Variants in CSMD1 observed in about 807,000 individuals in gnomAD.
The protein encoded by CSMD1 is CUB and Sushi multiple domains 1.
A neutral mutation model predicts 417.5 loss-of-function variants in CSMD1; 213 were observed. The ratio of observed to expected loss-of-function variants is 0.51; its 90% confidence interval spans 0.46 to 0.57. CSMD1 has a LOEUF of 0.57. CSMD1 is among the 20% of genes least tolerant of loss of function. CSMD1 has a pLI of 0.00. For synonymous variants in CSMD1, 2,862 were observed against 1,736.8 expected, an observed-to-expected ratio of 1.65 and a Z score of -16.11; for missense variants, 6,923 against 4,529.7, an observed-to-expected ratio of 1.53 and a Z score of -15.17.
At chr8:3,450,225 C>T (rs766396672) in intron 12 of CSMD1, among the ~76,000 whole-genome samples, 2 of 152,196 alleles carry the variant, frequency 1.3e-5, no homozygotes, top group Admixed American at 6.5e-5. Flanking sequence ...CGTTGACCAA[C>T]TGACTTCATG....
intron 2 of CSMD1, among the ~76,000 whole-genome samples, chr8:4,452,450 C>T (rs1277270690): frequency 1.3e-5 from 2 of 152,202 alleles, no homozygotes; most frequent in Non-Finnish European, 2.9e-5. Flanking sequence ...GGCATTAATC[C>T]TGTCAGGCAT....
At chr8:4,074,931 G>T (rs557557390) in intron 3 of CSMD1, among the ~76,000 whole-genome samples, 1 of 151,988 alleles carries the variant, frequency 6.6e-6, no homozygotes, top group Non-Finnish European at 1.5e-5. Flanking sequence ...ACCACACTTT[G>T]AATTTATTTA....
At chr8:4,666,746 C>G (rs1804961563) in intron 1 of CSMD1, among the ~76,000 whole-genome samples, 1 of 152,044 alleles carries the variant, frequency 6.6e-6, no homozygotes, top group South Asian at 2.1e-4. Flanking sequence ...TTCATACAGT[C>G]AAGTCCTTCA....
intron 3 of CSMD1, among the ~76,000 whole-genome samples, chr8:4,187,500 C>A (rs763643078): frequency 2.6e-5 from 4 of 151,934 alleles, no homozygotes; most frequent in East Asian, 1.9e-4. Flanking sequence ...AAAAAATCAG[C>A]CTGGGTGGTG....
intron 1 of CSMD1, among the ~76,000 whole-genome samples, chr8:4,649,866 T>A (rs1318452848): frequency 1.3e-5 from 2 of 152,166 alleles, no homozygotes; most frequent in Admixed American, 6.5e-5. Context: ...TAAAAGAGGT[T>A]TGGAATTTCA....
rs538732513 is a variant in CSMD1, at chr8:4,138,168, G to A, written c.416-106069C>T. ...CTGACCTCATGATCCTCCCACCTGG[G>A]CCTCCCAAAGTGCTGGGATTACAGG... On this transcript the variant is annotated intron_variant, in intron 3 of 69. Transcript: ENST00000635120. Among the ~76,000 whole-genome samples the A allele has an allele frequency of 1.8e-4, 26 of 141,690 alleles. 1 individual carries two copies. Among genetic ancestry groups the A allele is most frequent in the African/African-American group, 7.0e-4 (26 of 37,348 alleles). 93.0% of individuals were successfully genotyped at this position (141,690 alleles called of 152,430 possible). A position where few individuals can be genotyped will look rare whatever the true frequency, so the allele number is the denominator to read the frequency against.
At chr8:3,425,602 A>AAG (rs1813789096) in intron 12 of CSMD1, among the ~76,000 whole-genome samples, 1 of 150,768 alleles carries the variant, frequency 6.6e-6, no homozygotes, top group African/African-American at 2.4e-5. Context: ...AAAAAAAAAA[A>AAG]AAGAAGAAAG....
At chr8:3,244,974 C>A (rs566273032) in intron 26 of CSMD1, among the ~76,000 whole-genome samples, 1 of 152,116 alleles carries the variant, frequency 6.6e-6, no homozygotes, top group Non-Finnish European at 1.5e-5. Flanking sequence ...TGGCTATTTC[C>A]AAGAAGAACT....
rs766284756 is a variant in CSMD1 at position 2,949,395 on chromosome 8, TAGGAA to T, written c.10315-14_10315-10del. On this transcript the variant is annotated splice_polypyrimidine_tract_variant and intron_variant, in intron 67 of 69. Coordinates refer to ENST00000635120, the MANE Select transcript of CSMD1 (RefSeq NM_033225.6). ...TCAAGTCCAGATGACACCTGACACA[TAGGAA>T]AGAAAAGAAAAGAAATAAAAAGGTA... is the stretch of plus-strand genomic sequence containing the variant. 2.7e-6 allele frequency: 2 copies of T among 729,274 alleles called. No individual in the cohort carries two copies. The highest frequency in any genetic ancestry group is 3.9e-5 in the South Asian group (2 of 51,196). 45.2% of individuals were successfully genotyped at this position (729,274 alleles called of 1,614,324 possible).
At chr8:4,072,002 G>T (rs1799583798) in intron 3 of CSMD1, among the ~76,000 whole-genome samples, 1 of 152,124 alleles carries the variant, frequency 6.6e-6, no homozygotes, top group South Asian at 2.1e-4. Flanking sequence ...CTCATTTTCT[G>T]GTGGATGTGG....
At chr8:3,476,441 G>C (rs1817428341) in intron 11 of CSMD1, among the ~76,000 whole-genome samples, 1 of 151,956 alleles carries the variant, frequency 6.6e-6, no homozygotes, top group Admixed American at 6.5e-5. Flanking sequence ...ATTTTTCTAG[G>C]GTAAATACTT....
chr8:3,092,105 A>G (rs1814986530), intron 47 of CSMD1, among the ~76,000 whole-genome samples: 1 of 152,186 alleles, frequency 6.6e-6, no homozygotes, highest in Non-Finnish European at 1.5e-5. Context: ...TATGAACCCT[A>G]GCACATGTAC....
chr8:4,424,327 C>T (rs1479658171), intron 2 of CSMD1, among the ~76,000 whole-genome samples: 2 of 151,856 alleles, frequency 1.3e-5, no homozygotes, highest in African/African-American at 4.8e-5. Context: ...ATACCATGAA[C>T]TCTCCAGACT....
At chr8:4,002,540 C>T (rs946244420) in intron 4 of CSMD1, among the ~76,000 whole-genome samples, 2 of 152,170 alleles carry the variant, frequency 1.3e-5, no homozygotes, top group Middle Eastern at 3.4e-3. Flanking sequence ...AAGCCCATTT[C>T]GACTGAGAAA....
rs181215468 is a variant in CSMD1, at chr8:4,646,383, T to G, written c.86-8825A>C. Among the ~76,000 whole-genome samples, 871 of 152,296 alleles carry G rather than the reference T, an allele frequency of 5.7e-3. 9 individuals carry two copies. The highest frequency in any genetic ancestry group is 0.02 in the African/African-American group (832 of 41,544). On this transcript the variant is annotated intron_variant, in intron 1 of 69. Transcript: ENST00000635120. The stretch of plus-strand genomic sequence containing the variant: ...ATGCTATGTATTACTCTTGCTTTAA[T>G]ACGGGTGAAGCCAGAAGCTCCAGTG...
chr8:4,241,311 G>C (rs28489811), intron 3 of CSMD1, among the ~76,000 whole-genome samples: 1 of 152,264 alleles, frequency 6.6e-6, no homozygotes, highest in Admixed American at 6.5e-5. Flanking sequence ...GTAACCCCCT[G>C]GAACATATTT....
intron 17 of CSMD1, among the ~76,000 whole-genome samples, chr8:3,395,927 G>A (rs1181118449): frequency 1.3e-5 from 2 of 152,116 alleles, no homozygotes; most frequent in African/African-American, 4.8e-5. Context: ...ATTATTCTAT[G>A]CAGAAGATGA....
At chr8:4,100,709 C>A (rs1191980331) in intron 3 of CSMD1, among the ~76,000 whole-genome samples, 2 of 152,160 alleles carry the variant, frequency 1.3e-5, no homozygotes, top group East Asian at 3.9e-4. Context: ...TAATTTTTTT[C>A]CTCATAAACT....
intron 8 of CSMD1, chr8:3,613,375 G>T (rs1175588501): frequency 3.8e-5 from 11 of 290,984 alleles, no homozygotes; most frequent in Admixed American, 1.8e-4. Flanking sequence ...CTCTTCTATG[G>T]TATTCCAGAG....
Sources: allele counts gnomAD v4.1 joint callset (sites outside exome capture counted in the v4.1 genomes callset), GRCh38; gene constraint gnomAD v4.1.1; transcripts MANE v1.5; gene names NCBI Gene and HGNC (gene_info 2026-07-23, HGNC 2026-07-21).